ZNF346: variants seen among roughly 807,000 people sequenced by gnomAD.
ZNF346 encodes zinc finger protein 346.
A neutral mutation model predicts 33.7 loss-of-function variants in ZNF346; 23 were observed. The ratio of observed to expected loss-of-function variants is 0.68; its 90% CI spans 0.49 to 0.97. The LOEUF is 0.97. Ranked by LOEUF, ZNF346 falls within the 50% of genes least tolerant of loss-of-function variation. The pLI is 0.00. For missense variants in ZNF346, 340 were observed against 371.1 expected (o/e 0.92, Z 0.69); for synonymous variants, 134 against 142.4 (o/e 0.94, Z 0.42).
At chr5:177,029,810 T>A (rs1016138499) in intron 1 of ZNF346, among the ~76,000 whole-genome samples, 1 of 152,198 alleles carries the variant, frequency 6.6e-6, no homozygotes, top group African/African-American at 2.4e-5. Context: ...TCCAGGGGTG[T>A]CATGGAAACC....
downstream of ZNF346, among the ~76,000 whole-genome samples, chr5:177,068,736 A>G (rs1783353124): frequency 7.0e-6 from 1 of 142,580 alleles, no homozygotes; most frequent in Non-Finnish European, 1.5e-5. Context: ...TACAACCCCA[A>G]AAGAAGAAGG....
rs1216724212 is a variant in ZNF346, at chr5:177,041,160, C to A, written c.210C>A (p.Phe70Leu). ...TGATCCAGAAGAACCAATGTCTCTT[C>A]ACCAACACCCAGTGTAAGGTTTGCT... ...EHMIQKNQCL[F>L]TNTQCKVCCA... Residue 70 changes from phenylalanine to leucine, a missense_variant, in exon 2 of 7, where the codon TTC becomes TTA. Coordinates refer to ENST00000358149, the MANE Select transcript of ZNF346 (RefSeq NM_012279.4). The A allele has an allele frequency of 6.2e-7, 1 of 1,614,190 alleles. No individual in the cohort carries two copies. The highest frequency in any genetic ancestry group is 1.1e-5 in the South Asian group (1 of 91,078).
At chr5:177,071,696 AAG>A (rs199940159), downstream of ZNF346, among the ~76,000 whole-genome samples, 18,008 of 147,376 alleles carry the variant, frequency 0.12, 2,545 homozygotes, top group African/African-American at 0.35. Flanking sequence ...AAAAAAAAAA[AAG>A]AAGAAGAAGA....
intron 4 of ZNF346, among the ~76,000 whole-genome samples, chr5:177,045,142 A>G (rs1031573118): frequency 6.6e-6 from 1 of 152,102 alleles, no homozygotes; most frequent in Non-Finnish European, 1.5e-5. Flanking sequence ...CTTTCATCTC[A>G]TTAACTCCTG....
chr5:177,027,555 C>T (rs1475717851), intron 1 of ZNF346, among the ~76,000 whole-genome samples: 1 of 139,638 alleles, frequency 7.2e-6, no homozygotes, highest in Non-Finnish European at 1.5e-5. Context: ...CACTGCACTC[C>T]AGTCTAGGCA....
intron 2 of ZNF346, 92 bp downstream of exon 2, chr5:177,041,321 T>A (rs1779310400): frequency 9.4e-7 from 1 of 1,062,906 alleles, no homozygotes; most frequent in Non-Finnish European, 1.4e-6. Flanking sequence ...GTGTAATTGC[T>A]GCTTAGCCAC....
At chr5:177,052,492 A>T (rs1011103992) in intron 5 of ZNF346, 1 of 152,152 alleles carries the variant, frequency 6.6e-6, no homozygotes, top group African/African-American at 2.4e-5. Context: ...CAAAAAAAAA[A>T]AAAACTATTT....
chr5:177,060,808 CTAAA>C (rs1050679860), intron 5 of ZNF346, among the ~76,000 whole-genome samples: 6 of 139,674 alleles, frequency 4.3e-5, no homozygotes, highest in African/African-American at 5.8e-5. Flanking sequence ...AACTCCATCT[CTAAA>C]TAAATAAATA....
downstream of ZNF346, among the ~76,000 whole-genome samples, chr5:177,070,741 C>T (rs1581982404): frequency 6.6e-6 from 1 of 152,250 alleles, no homozygotes; most frequent in East Asian, 1.9e-4. Flanking sequence ...TGGCATCTGG[C>T]ATAGCCCCAT....
In ZNF346 at chr5:177,022,720, G is replaced by C. The variant is rs1775947169; in HGVS notation, c.-19G>C. On this transcript the variant is annotated 5_prime_UTR_variant, in exon 1 of 7. Transcript: ENST00000358149. Reference sequence around the variant, plus strand: ...TAGGCGCCTGAGAGGCTCTCTACCGGTGAGGGTTTGCGGGGAAGATGGAGT... The same window carrying C: ...TAGGCGCCTGAGAGGCTCTCTACCGCTGAGGGTTTGCGGGGAAGATGGAGT... 1 of 1,540,628 alleles carries C rather than the reference G, an allele frequency of 6.5e-7. No individual in the cohort carries two copies. Among genetic ancestry groups the C allele is most frequent in the Non-Finnish European group, 8.7e-7 (1 of 1,149,044 alleles).
intron 5 of ZNF346, among the ~76,000 whole-genome samples, chr5:177,058,055 AG>A (rs1393648695): frequency 1.3e-5 from 2 of 151,296 alleles, no homozygotes; most frequent in Non-Finnish European, 2.9e-5. Flanking sequence ...TCCTGACCTC[AG>A]GTGATGTGGC....
rs1017814658 is a variant in ZNF346 at position 177,050,755 on chromosome 5, G to C, written c.522G>C (p.Leu174Phe). ...TCCTTGTGGCCTCCACCTTAGCCTT[G>C]CACCAGAATAGAGAGATGATAGACC... Reference protein sequence around the residue: ...LKQQSTKVEALHQNREMIDPD... With the variant: ...LKQQSTKVEAFHQNREMIDPD... The change falls in exon 5 of 7, where the codon TTG becomes TTC. Residue 174 changes from leucine to phenylalanine, a missense_variant. Transcript: ENST00000358149. 10 of 1,614,046 alleles carry C rather than the reference G, an allele frequency of 6.2e-6. No individual in the cohort carries two copies. The highest frequency in any genetic ancestry group is 1.1e-5 in the South Asian group (1 of 91,090).
chr5:177,043,111 C>T (rs1435323082), intron 3 of ZNF346, among the ~76,000 whole-genome samples: 1 of 152,164 alleles, frequency 6.6e-6, no homozygotes. Flanking sequence ...CTCAGCCTCC[C>T]AAAGTGCTGG....
chr5:177,069,979 G>A (rs1177578288), downstream of ZNF346, among the ~76,000 whole-genome samples: 1 of 152,192 alleles, frequency 6.6e-6, no homozygotes, highest in East Asian at 1.9e-4. Context: ...CCTGTTGAGG[G>A]ACAACTGGGT....
intron 5 of ZNF346, among the ~76,000 whole-genome samples, chr5:177,061,109 C>CAA (rs200919128): frequency 6.9e-6 from 1 of 144,404 alleles, no homozygotes; most frequent in Non-Finnish European, 1.5e-5. Context: ...AAGACTGTCT[C>CAA]AAAAAAAAAC....
At chr5:177,080,815 A>T (rs534025407) in exon 9 of ZNF346, 4 of 152,320 alleles carry the variant, frequency 2.6e-5, no homozygotes, top group African/African-American at 9.6e-5. Context: ...CTCCAAAAAA[A>T]ACCCAGATCT....
intron 1 of ZNF346, among the ~76,000 whole-genome samples, chr5:177,033,328 C>T (rs1212367791): frequency 6.6e-6 from 1 of 152,152 alleles, no homozygotes; most frequent in Non-Finnish European, 1.5e-5. Context: ...ATCCTCTAGC[C>T]TCAGTCTCCC....
At chr5:177,047,330 TTTG>T (rs1270573665) in intron 4 of ZNF346, among the ~76,000 whole-genome samples, 1 of 150,472 alleles carries the variant, frequency 6.6e-6, no homozygotes, top group African/African-American at 2.5e-5. Context: ...TTTTTGTTTG[TTTG>T]TTTTTTGTTT....
At chr5:177,023,233 C>T (rs775140876) in intron 1 of ZNF346, 8 of 1,535,514 alleles carry the variant, frequency 5.2e-6, no homozygotes, top group East Asian at 2.4e-5. Context: ...TTTGCCATCC[C>T]GGTAAGCCAA....
Sources: gnomAD v4.1 joint callset for allele counts (sites outside exome capture counted in the v4.1 genomes callset) on GRCh38, gnomAD v4.1.1 for gene constraint, MANE v1.5 for transcripts, NCBI Gene and HGNC (gene_info 2026-07-23, HGNC 2026-07-21) for gene names.